Variants in CDCA7 observed in about 807,000 individuals in gnomAD.
The protein encoded by CDCA7 is cell division cycle associated 7.
A neutral mutation model predicts 54.0 loss-of-function variants in CDCA7; 28 were observed. The observed-to-expected ratio is 0.52, with a 90% CI of 0.38 to 0.71. The LOEUF (loss-of-function observed/expected upper bound fraction) is 0.71. Among genes scored for constraint, CDCA7 ranks in the 30% least tolerant of loss-of-function variants. The pLI, the probability that CDCA7 is intolerant of heterozygous loss-of-function variation, is 0.00. For synonymous variants in CDCA7, 180 were observed against 208.2 expected, an observed-to-expected ratio of 0.86 and a Z score of 1.16; for missense variants, 484 against 586.0, an observed-to-expected ratio of 0.83 and a Z score of 1.80.
At chr2:173,363,592 A>C in intron 4 of CDCA7, 130 bp downstream of exon 4, 2 of 988,208 alleles carry the variant, frequency 2.0e-6, no homozygotes, top group Admixed American at 4.7e-5. Flanking sequence ...TTACCTGTGA[A>C]GTCTTCAATG....
intron 7 of CDCA7, among the ~76,000 whole-genome samples, chr2:173,365,953 T>G (rs1241403498): frequency 6.6e-6 from 1 of 152,196 alleles, no homozygotes; most frequent in Non-Finnish European, 1.5e-5. Flanking sequence ...TAATAAGACC[T>G]TTTCTTAAAG....
intron 1 of CDCA7, among the ~76,000 whole-genome samples, chr2:173,355,599 A>G (rs959944107): frequency 7.9e-5 from 12 of 152,094 alleles, no homozygotes; most frequent in African/African-American, 2.9e-4. Context: ...AAGTGCATTT[A>G]AAGGGCTTGG....
intron 3 of CDCA7, among the ~76,000 whole-genome samples, chr2:173,362,115 C>A (rs930826803): frequency 6.6e-6 from 1 of 152,174 alleles, no homozygotes; most frequent in Non-Finnish European, 1.5e-5. Flanking sequence ...CCGCACCCAG[C>A]CTTGCATTGT....
At position 173,366,047 on chromosome 2, in the gene CDCA7, A is replaced by C. The variant is rs1447239420; in HGVS notation, c.1036-236A>C. The stretch of plus-strand genomic sequence containing the variant: ...GCCATATTGCCCAGGCTGGTCTTGA[A>C]CTCCTTGGCTCAAGCGATCCACTCT... On this transcript the variant is annotated intron_variant, in intron 7 of 9. Transcript: ENST00000306721. This position sits in a 1 kb window ranked among gnomAD's most constrained non-coding sequence, Gnocchi z 4.5. Among the ~76,000 whole-genome samples, 2 of 150,496 alleles carry C rather than the reference A, an allele frequency of 1.3e-5. No homozygotes were observed. Among genetic ancestry groups the C allele is most frequent in the African/African-American group, 4.9e-5 (2 of 40,796 alleles).
intron 2 of CDCA7, 148 bp downstream of exon 2, chr2:173,358,985 C>A: frequency 8.5e-7 from 1 of 1,181,796 alleles, no homozygotes; most frequent in Non-Finnish European, 1.2e-6. Context: ...TTTCATTTCA[C>A]TTTTTGCTGT....
chr2:173,358,526 C>A, intron 1 of CDCA7, 186 bp from the exon 2 acceptor site: 1 of 527,300 alleles, frequency 1.9e-6, no homozygotes, highest in Non-Finnish European at 3.2e-6. Flanking sequence ...CGAGATCCTG[C>A]TTCTTACAAA....
Position 173,366,485 on chromosome 2 carries a change from GT to G in CDCA7, c.1185+54del. 6.3e-7 allele frequency: 1 copy of G among 1,598,128 alleles called. No individual in the cohort carries two copies. Among genetic ancestry groups the G allele is most frequent in the Non-Finnish European group, 8.5e-7 (1 of 1,170,494 alleles). The stretch of plus-strand genomic sequence containing the variant: ...TGGGCTTGAAGGTCAGCCACAAACT[GT>G]GATGAGGCCAGAAAAAGGCATTGGT... On this transcript the variant is annotated intron_variant, in intron 8 of 9. Transcript: ENST00000306721. The surrounding 1 kb of genome is among the most constrained non-coding windows in gnomAD (Gnocchi z 4.5).
chr2:173,355,046 C>T lies in CDCA7; in HGVS notation c.21+62C>T, dbSNP rs974753453. On this transcript the variant is annotated intron_variant, in intron 1 of 9. Coordinates refer to ENST00000306721, the MANE Select transcript of CDCA7 (RefSeq NM_031942.5). ...GGTGGGTGCTGGACGCAGGCGGGCG[C>T]GGGCCGACCCTCTCCAACTCCGCAG... The T allele has an allele frequency of 6.8e-5, 87 of 1,285,952 alleles. No homozygotes were observed. The African/African-American group carries it at 1.2e-3, about 17-fold the overall frequency. 79.7% of individuals were successfully genotyped at this position (1,285,952 alleles called of 1,614,324 possible). A position where few individuals can be genotyped will look rare whatever the true frequency, so the allele number is the denominator to read the frequency against.
chr2:173,367,465 G>A (rs1686745383), intron 9 of CDCA7, among the ~76,000 whole-genome samples, 169 bp from the exon 10 acceptor site: 1 of 152,208 alleles, frequency 6.6e-6, no homozygotes, highest in African/African-American at 2.4e-5. Context: ...GGTAACCCGG[G>A]TGGGTGGGTG....
At chr2:173,365,308 T>C (rs1317980161) in intron 6 of CDCA7, 144 bp from the exon 7 acceptor site, 32 of 971,744 alleles carry the variant, frequency 3.3e-5, no homozygotes, top group Non-Finnish European at 4.6e-5. Context: ...GTGAAGAAAT[T>C]ACAAGTCAAG....
At position 173,364,910 on chromosome 2, in the gene CDCA7, C is replaced by G; in HGVS notation, c.815C>G (p.Ala272Gly). The G allele has an allele frequency of 6.2e-7, 1 of 1,610,076 alleles. No homozygotes were observed. Residue 272 changes from alanine (A) to glycine (G), a missense_variant, in exon 6 of 10, where the codon GCT (alanine) becomes GGT (glycine). Coordinates refer to ENST00000306721, the MANE Select transcript of CDCA7 (RefSeq NM_031942.5). ...SRSRILGSLD[A>G]LPMEEEEEED... ...TCCCGGATCCTCGGGTCCCTTGACGCTCTACCCATGGAGGAGGAGGAGGAA... is the reference window on the plus strand; with the variant it reads ...TCCCGGATCCTCGGGTCCCTTGACGGTCTACCCATGGAGGAGGAGGAGGAA...
At position 173,358,830 on chromosome 2, in the gene CDCA7, C is replaced by G; in HGVS notation, c.140C>G (p.Ala47Gly). Reference protein sequence around the residue: ...SCDSFASDNFANTKPKFRSDI... With the variant: ...SCDSFASDNFGNTKPKFRSDI... ...GACAGCTTTGCTTCTGATAATTTTG[C>G]AAACACGGTAAGTGCTGCCTGAGAA... Residue 47 changes from alanine (A) to glycine (G), a missense_variant, in exon 2 of 10, where the codon GCA (alanine) becomes GGA (glycine). Ala to Gly is a moderately conservative substitution (Grantham distance 60). Transcript: ENST00000306721. The G allele has an allele frequency of 6.2e-7, 1 of 1,613,074 alleles. No individual in the cohort carries two copies. The highest frequency in any genetic ancestry group is 8.5e-7 in the Non-Finnish European group (1 of 1,179,396).
chr2:173,363,952 C>A, intron 5 of CDCA7, 57 bp downstream of exon 5: 2 of 1,460,650 alleles, frequency 1.4e-6, no homozygotes, highest in Non-Finnish European at 1.9e-6. Context: ...TAAGGTCGAT[C>A]TGTGTTGTAT....
At chr2:173,357,085 A>G (rs1574213676) in intron 1 of CDCA7, among the ~76,000 whole-genome samples, 2 of 152,242 alleles carry the variant, frequency 1.3e-5, no homozygotes, top group East Asian at 3.8e-4. Flanking sequence ...CAAAGTTTTC[A>G]GTGTAAGGAA....
chr2:173,354,881 GCTC>G lies in CDCA7; in HGVS notation c.-77_-75del, dbSNP rs1484822072. The G allele has an allele frequency of 1.1e-5, 16 of 1,432,252 alleles. No homozygotes were observed. The highest frequency in any genetic ancestry group is 1.5e-5 in the Non-Finnish European group (16 of 1,090,662). 88.7% of individuals were successfully genotyped at this position (1,432,252 alleles called of 1,614,324 possible). A position where few individuals can be genotyped will look rare whatever the true frequency, so the allele number is the denominator to read the frequency against. On this transcript the variant is annotated 5_prime_UTR_variant, in exon 1 of 10. Coordinates refer to ENST00000306721, the MANE Select transcript of CDCA7 (RefSeq NM_031942.5). ...CCAGCCTGCCAGCCGCGCTGCTGCT[GCTC>G]CTCCTGCTGTGGGACCGCTGACCGC... is the stretch of plus-strand genomic sequence containing the variant.
chr2:173,364,064 G>T, intron 5 of CDCA7, 169 bp downstream of exon 5: 1 of 575,250 alleles, frequency 1.7e-6, no homozygotes, highest in South Asian at 2.5e-5. Flanking sequence ...TTGAATCCTG[G>T]GCAGTTTGGT....
intron 7 of CDCA7, 70 bp downstream of exon 7, chr2:173,365,662 G>A (rs1006523624): frequency 7.2e-6 from 11 of 1,533,344 alleles, no homozygotes; most frequent in African/African-American, 2.8e-5. Flanking sequence ...GTCCCTAAGC[G>A]TTGCCCAGGT....
chr2:173,355,051 C>G, intron 1 of CDCA7, 67 bp downstream of exon 1: 2 of 1,279,190 alleles, frequency 1.6e-6, no homozygotes, highest in South Asian at 2.6e-5. Flanking sequence ...GGGCGCGGGC[C>G]GACCCTCTCC....
Position 173,359,385 on chromosome 2 carries a change from A to G in CDCA7, c.278A>G (p.Gln93Arg). The change falls in exon 3 of 10, where the codon CAG becomes CGG. Residue 93 changes from glutamine to arginine, a missense_variant. Coordinates refer to ENST00000306721, the MANE Select transcript of CDCA7 (RefSeq NM_031942.5). Reference protein sequence around the residue: ...QDVLDHCGFLQKPRPDVTNEL... With the variant: ...QDVLDHCGFLRKPRPDVTNEL... ...GTATTAGACCATTGTGGATTTTTAC[A>G]GAAACCAAGGCCAGATGTCACTAAC... is the stretch of plus-strand genomic sequence containing the variant. 1 of 1,614,238 alleles carries G rather than the reference A, an allele frequency of 6.2e-7. No individual in the cohort carries two copies. The highest frequency in any genetic ancestry group is 8.5e-7 in the Non-Finnish European group (1 of 1,180,046).
Sources: gnomAD v4.1 joint callset for allele counts (sites outside exome capture counted in the v4.1 genomes callset) on GRCh38, gnomAD v4.1.1 for gene constraint, Gnocchi (gnomAD v3.1) non-coding constraint, MANE v1.5 for transcripts, NCBI Gene and HGNC (gene_info 2026-07-23, HGNC 2026-07-21) for gene names.